The following ZNG1A variants were observed in gnomAD, a reference collection of about 807,000 sequenced individuals.
ZNG1A encodes the protein Zn regulated GTPase metalloprotein activator 1A, also known as zinc-regulated GTPase metalloprotein activator 1A.
At chr9:174,946 TTATTTTTAAAATATTGAG>T in the ZNG1A span, among the ~76,000 whole-genome samples, 2 of 151,462 alleles carry the variant, frequency 1.3e-5, no homozygotes, top group South Asian at 2.1e-4. Flanking sequence ...ATGTTTACCT[TTATTTTTAAAATATTGAG>T]TTTTAACTGC....
the ZNG1A span, chr9:160,042 T>C: frequency 2.2e-6 from 1 of 454,526 alleles, no homozygotes; most frequent in Non-Finnish European, 4.4e-6. Flanking sequence ...TTGCATTAAA[T>C]GCTGTCACAT....
the ZNG1A span, chr9:177,959 G>A: frequency 6.4e-6 from 5 of 785,748 alleles, 1 homozygote; most frequent in Non-Finnish European, 1.0e-5. Flanking sequence ...TCACGAAGTG[G>A]CCCAAGTCTG....
At chr9:159,205 T>G in the ZNG1A span, among the ~76,000 whole-genome samples, 1 of 149,410 alleles carries the variant, frequency 6.7e-6, no homozygotes, top group African/African-American at 2.5e-5. Flanking sequence ...CAAAAATAAT[T>G]TTGATACTAA....
chr9:163,658 T>A, the ZNG1A span, among the ~76,000 whole-genome samples: 93 of 152,148 alleles, frequency 6.1e-4, no homozygotes, highest in Middle Eastern at 3.4e-3. Flanking sequence ...GGCTCACGCC[T>A]GTAATCCCAG....
At chr9:172,769 T>C in the ZNG1A span, 1 of 162,310 alleles carries the variant, frequency 6.2e-6, no homozygotes, top group Non-Finnish European at 1.3e-5. Flanking sequence ...AAATTAACAG[T>C]ACAAGTAGTC....
chr9:175,913 T>C, the ZNG1A span: 2 of 1,388,186 alleles, frequency 1.4e-6, no homozygotes, highest in Non-Finnish European at 1.9e-6. Flanking sequence ...GCATAGAATA[T>C]CCTAGAGGAT....
At chr9:146,239 A>T in the ZNG1A span, 2 of 1,564,764 alleles carry the variant, frequency 1.3e-6, no homozygotes, top group Non-Finnish European at 1.7e-6. Flanking sequence ...ACTCTGACTT[A>T]AAAAATTTTA....
chr9:165,961 T>A, the ZNG1A span: 1 of 141,652 alleles, frequency 7.1e-6, no homozygotes, highest in South Asian at 2.4e-4. Context: ...GGGAAATAGT[T>A]TACAAAATCC....
At chr9:154,639 A>G in the ZNG1A span, 10 of 1,141,130 alleles carry the variant, frequency 8.8e-6, no homozygotes, top group East Asian at 2.3e-4. Flanking sequence ...CAGGGCAACA[A>G]TCAGAGTAAA....
the ZNG1A span, among the ~76,000 whole-genome samples, chr9:174,043 C>A: frequency 1.3e-5 from 2 of 150,948 alleles, no homozygotes; most frequent in Non-Finnish European, 3.0e-5. Flanking sequence ...GCTACTCAGG[C>A]GGCTGAGGCA....
the ZNG1A span, among the ~76,000 whole-genome samples, chr9:170,391 G>C: frequency 0.47 from 68,299 of 146,114 alleles, 18,387 homozygotes; most frequent in Non-Finnish European, 0.58. Flanking sequence ...ATGTGCATGT[G>C]CGTGTGTGTG....
the ZNG1A span, among the ~76,000 whole-genome samples, chr9:138,659 G>A: frequency 6.9e-6 from 1 of 145,004 alleles, no homozygotes; most frequent in East Asian, 2.0e-4. Context: ...AGCACTTTGG[G>A]AGGCTGAGGC....
chr9:160,135 C>A, the ZNG1A span: 1 of 454,552 alleles, frequency 2.2e-6, no homozygotes. Context: ...TTGTCCAATT[C>A]TTTGCCTATG....
chr9:136,813 G>A, the ZNG1A span, among the ~76,000 whole-genome samples: 5 of 152,156 alleles, frequency 3.3e-5, no homozygotes, highest in African/African-American at 1.2e-4. Context: ...CCAAGTAGGA[G>A]AATCACTTGA....
At chr9:160,739 TAAAAAA>T in the ZNG1A span, among the ~76,000 whole-genome samples, 2 of 122,494 alleles carry the variant, frequency 1.6e-5, no homozygotes, top group Admixed American at 1.7e-4. Context: ...TCTATCAAAA[TAAAAAA>T]AAAACAAAAT....
chr9:175,907 A>G, the ZNG1A span: 1 of 1,406,450 alleles, frequency 7.1e-7, no homozygotes, highest in South Asian at 1.5e-5. Context: ...ATTTTAGCAT[A>G]GAATATCCTA....
chr9:130,165 T>C, the ZNG1A span, among the ~76,000 whole-genome samples: 2 of 150,656 alleles, frequency 1.3e-5, no homozygotes, highest in Non-Finnish European at 2.9e-5. Flanking sequence ...TACTCTATTT[T>C]AAAACTATTT....
At chr9:169,224 G>A in the ZNG1A span, among the ~76,000 whole-genome samples, 6 of 151,904 alleles carry the variant, frequency 3.9e-5, no homozygotes, top group South Asian at 8.3e-4. Flanking sequence ...CCTCACAGAT[G>A]ACTTTGAGGG....
chr9:164,136 A>G, the ZNG1A span: 2 of 1,312,060 alleles, frequency 1.5e-6, no homozygotes, highest in Non-Finnish European at 2.1e-6. Context: ...TTAACAGGTA[A>G]ACACATATAT....
Sources: allele counts gnomAD v4.1 joint callset (sites outside exome capture counted in the v4.1 genomes callset), GRCh38; gene constraint gnomAD v4.1.1; transcripts MANE v1.5; gene names NCBI Gene and HGNC (gene_info 2026-07-23, HGNC 2026-07-21).